Variants in DLGAP2 observed in about 807,000 individuals in gnomAD.
The protein encoded by DLGAP2 is DLG associated protein 2.
A neutral mutation model predicts 100.3 loss-of-function variants in DLGAP2; 26 were observed. The observed-to-expected ratio is 0.26, with a 90% CI of 0.19 to 0.36. The LOEUF (loss-of-function observed/expected upper bound fraction) is 0.36, where lower values mean the gene tolerates loss of function less well. Ranked by LOEUF, DLGAP2 falls within the 10% of genes least tolerant of loss-of-function variation. DLGAP2 has a pLI of 1.00. For missense variants in DLGAP2, 1,858 were observed against 1,453.2 expected (o/e 1.28, Z -4.53); for synonymous variants, 886 against 630.1 (o/e 1.41, Z -6.08).
In DLGAP2 at chr8:1,633,054, G is replaced by T. The variant is rs368453646; in HGVS notation, c.1810+8G>T. 3 of 1,613,792 alleles carry T rather than the reference G, an allele frequency of 1.9e-6. No homozygotes were observed. In the African/African-American group the frequency reaches 4.0e-5, roughly 22 times the overall value. On this transcript the variant is annotated splice_region_variant and intron_variant, in intron 8 of 14. Coordinates refer to ENST00000637795, the MANE Select transcript of DLGAP2 (RefSeq NM_001346810.2). ...CCATCAGGTCAACAGCAGGTAAGGG[G>T]ACGCCATTTTCAGCCTTCCAGCGGG...
intron 1 of DLGAP2, among the ~76,000 whole-genome samples, chr8:855,034 C>T (rs903354320): frequency 1.3e-5 from 2 of 152,052 alleles, no homozygotes; most frequent in African/African-American, 4.8e-5. Flanking sequence ...AGTAGTGGGT[C>T]CGGGAGGGAG....
intron 2 of DLGAP2, among the ~76,000 whole-genome samples, chr8:1,181,324 A>T (rs1444072798): frequency 6.6e-6 from 1 of 152,242 alleles, no homozygotes; most frequent in Non-Finnish European, 1.5e-5. Context: ...AGAAAAATTA[A>T]AGCTTGAGTG....
intron 2 of DLGAP2, chr8:1,250,448 A>G (rs898546633): frequency 2.0e-5 from 3 of 152,118 alleles, no homozygotes; most frequent in African/African-American, 7.2e-5. Flanking sequence ...ACCGTGGTAG[A>G]TGTTCAGTCA....
intron 3 of DLGAP2, among the ~76,000 whole-genome samples, chr8:1,294,475 G>A (rs539349917): frequency 5.9e-5 from 9 of 152,234 alleles, no homozygotes; most frequent in South Asian, 2.1e-4. Context: ...CATTCTCACC[G>A]TCACGTTCTA....
At chr8:981,584 T>C (rs1163459975) in intron 2 of DLGAP2, among the ~76,000 whole-genome samples, 1 of 152,126 alleles carries the variant, frequency 6.6e-6, no homozygotes, top group African/African-American at 2.4e-5. Flanking sequence ...CTCTCCGATA[T>C]GGTATTTTTT....
At chr8:1,489,572 T>G (rs913292076) in intron 3 of DLGAP2, among the ~76,000 whole-genome samples, 14 of 152,220 alleles carry the variant, frequency 9.2e-5, no homozygotes, top group Non-Finnish European at 1.3e-4. Flanking sequence ...GCCAAGTACT[T>G]TTTATAATGT....
intron 2 of DLGAP2, among the ~76,000 whole-genome samples, chr8:944,400 C>T (rs1044723869): frequency 1.3e-5 from 2 of 151,598 alleles, no homozygotes; most frequent in African/African-American, 4.9e-5. Context: ...TGTGGGTGAT[C>T]CAGCAGGTGG....
intron 3 of DLGAP2, among the ~76,000 whole-genome samples, chr8:1,311,631 T>C (rs972200407): frequency 2.0e-5 from 3 of 152,060 alleles, no homozygotes; most frequent in Admixed American, 2.0e-4. Context: ...TTTAAGAAAA[T>C]TAATTAACAC....
intron 3 of DLGAP2, among the ~76,000 whole-genome samples, chr8:1,460,038 C>A (rs1310572919): frequency 6.6e-6 from 1 of 152,182 alleles, no homozygotes; most frequent in Admixed American, 6.5e-5. Flanking sequence ...CTGGAATTGA[C>A]AGAGGGACCA....
intron 6 of DLGAP2, among the ~76,000 whole-genome samples, chr8:1,584,681 C>G (rs532690198): frequency 6.6e-6 from 1 of 152,278 alleles, no homozygotes; most frequent in South Asian, 2.1e-4. Context: ...AGGTGAGGAC[C>G]TGGGGATTCG....
At chr8:763,913 C>T (rs1200716242) in intron 1 of DLGAP2, among the ~76,000 whole-genome samples, 3 of 152,196 alleles carry the variant, frequency 2.0e-5, no homozygotes, top group South Asian at 2.1e-4. Flanking sequence ...CAGAAAGTGA[C>T]GGCCTCATAA....
At chr8:1,474,016 A>G (rs1164909285) in intron 3 of DLGAP2, among the ~76,000 whole-genome samples, 5 of 152,110 alleles carry the variant, frequency 3.3e-5, no homozygotes, top group Non-Finnish European at 5.9e-5. Context: ...ATTCTGCCCA[A>G]TGTGTAGTCT....
intron 2 of DLGAP2, among the ~76,000 whole-genome samples, chr8:1,188,968 C>T (rs576651536): frequency 6.0e-5 from 9 of 149,840 alleles, no homozygotes; most frequent in African/African-American, 1.3e-4. Context: ...TGACCGTACA[C>T]AGGGTTCGGG....
intron 3 of DLGAP2, among the ~76,000 whole-genome samples, chr8:1,279,084 A>G (rs1331008660): frequency 6.6e-6 from 1 of 152,258 alleles, no homozygotes; most frequent in Admixed American, 6.5e-5. Flanking sequence ...TTTACAAAAC[A>G]AGAACAAAAT....
chr8:764,791 T>A (rs1403226938), intron 1 of DLGAP2, among the ~76,000 whole-genome samples: 1 of 152,182 alleles, frequency 6.6e-6, no homozygotes, highest in African/African-American at 2.4e-5. Flanking sequence ...CTCATAGGTA[T>A]AACTGTGACC....
At position 1,041,970 on chromosome 8, in the gene DLGAP2, C is replaced by T. The variant is rs189152547; in HGVS notation, c.73+134004C>T. On this transcript the variant is annotated intron_variant, in intron 2 of 14. Transcript: ENST00000637795. Reference sequence around the variant, plus strand: ...TCTCCCCGGCTGTTTCAGGAGCCTGCGGGGATTTCTTCTGGCTCGGCTGTC... The same window carrying T: ...TCTCCCCGGCTGTTTCAGGAGCCTGTGGGGATTTCTTCTGGCTCGGCTGTC... Among the ~76,000 whole-genome samples, 13 of 152,314 alleles carry T rather than the reference C, an allele frequency of 8.5e-5. No individual in the cohort carries two copies. In the South Asian group the frequency reaches 1.5e-3, roughly 17 times the overall value.
chr8:1,168,314 C>G lies in DLGAP2; in HGVS notation c.74-90537C>G, dbSNP rs535309301. ...CATTTGGGTTGGTTCCAAGTCTTTG[C>G]TATTGTGAATAGTGCCGCAATAAAC... On this transcript the variant is annotated intron_variant, in intron 2 of 14. Transcript: ENST00000637795. Among the ~76,000 whole-genome samples, 536 of 151,920 alleles carry G rather than the reference C, an allele frequency of 3.5e-3. 3 individuals are homozygous for G. The highest frequency in any genetic ancestry group is 0.012 in the African/African-American group (505 of 41,432).
intron 6 of DLGAP2, among the ~76,000 whole-genome samples, chr8:1,602,930 A>G (rs1405169475): frequency 6.6e-6 from 1 of 152,250 alleles, no homozygotes; most frequent in African/African-American, 2.4e-5. Context: ...GGAAAATTCA[A>G]CAGAATGAGG....
chr8:1,572,334 G>C (rs1338819084), intron 6 of DLGAP2, among the ~76,000 whole-genome samples: 1 of 141,900 alleles, frequency 7.0e-6, no homozygotes, highest in Non-Finnish European at 1.5e-5. Flanking sequence ...GTGAACTGTG[G>C]GGGCGTCTTC....
Sources: gnomAD v4.1 joint callset for allele counts (sites outside exome capture counted in the v4.1 genomes callset) on GRCh38, gnomAD v4.1.1 for gene constraint, MANE v1.5 for transcripts, NCBI Gene and HGNC (gene_info 2026-07-23, HGNC 2026-07-21) for gene names.